The following HK1 variants were observed in gnomAD, a reference collection of about 807,000 sequenced individuals.
The protein encoded by HK1 is hexokinase 1.
A neutral mutation model predicts 91.6 loss-of-function variants in HK1; 28 were observed. The observed-to-expected ratio is 0.31, with a 90% CI of 0.23 to 0.42. The LOEUF is 0.42. Ranked by LOEUF, HK1 falls within the 10% of genes least tolerant of loss-of-function variation. HK1 has a pLI of 1.00. For missense variants in HK1, 770 were observed against 1,219.8 expected (o/e 0.63, Z 5.49); for synonymous variants, 430 against 468.1 (o/e 0.92, Z 1.05).
At chr10:69,379,464 T>G (rs1169456469) in intron 8 of HK1, among the ~76,000 whole-genome samples, 1 of 152,144 alleles carries the variant, frequency 6.6e-6, no homozygotes, top group Non-Finnish European at 1.5e-5. Flanking sequence ...AATTACAATT[T>G]CACTGAGAGA....
chr10:69,283,500 G>C (rs1224122405), intron 2 of HK1, among the ~76,000 whole-genome samples: 2 of 150,178 alleles, frequency 1.3e-5, no homozygotes, highest in African/African-American at 4.9e-5. Flanking sequence ...TAAAGAGCTG[G>C]CTGGGCGTGG....
intron 5 of HK1, 48 bp downstream of exon 5, chr10:69,368,679 G>A (rs2132812534): frequency 6.9e-7 from 1 of 1,443,874 alleles, no homozygotes; most frequent in East Asian, 2.3e-5. Flanking sequence ...GGTGTGGGGA[G>A]CAGGGCTGCA....
At chr10:69,311,374 T>C (rs1846369080), upstream of HK1, among the ~76,000 whole-genome samples, 1 of 152,102 alleles carries the variant, frequency 6.6e-6, no homozygotes, top group Non-Finnish European at 1.5e-5. Flanking sequence ...AGAATTTTAT[T>C]TGTGGTTTAC....
At chr10:69,356,002 T>C (rs1165201418) in intron 2 of HK1, among the ~76,000 whole-genome samples, 2 of 152,190 alleles carry the variant, frequency 1.3e-5, no homozygotes, top group East Asian at 3.8e-4. Context: ...AATACCTAAA[T>C]GTGGGAGCTA....
At chr10:69,316,616 C>T (rs117510753), upstream of HK1, among the ~76,000 whole-genome samples, 2,261 of 152,374 alleles carry the variant, frequency 0.015, 21 homozygotes, top group East Asian at 0.036. Flanking sequence ...TTCCTGCCTG[C>T]AAACAGGACA....
At chr10:69,282,004 C>G (rs12253706) in intron 1 of HK1, among the ~76,000 whole-genome samples, 20,000 of 152,128 alleles carry the variant, frequency 0.13, 2,775 homozygotes, top group African/African-American at 0.35. Context: ...CTTACCCGCT[C>G]TAAGCCTCAG....
chr10:69,318,956 C>A lies in HK1; in HGVS notation c.9C>A (p.Ala3=). Residue 3 remains alanine (A), a synonymous_variant, in exon 1 of 18, where the codon GCC becomes GCA. Coordinates refer to ENST00000359426, the MANE Select transcript of HK1 (RefSeq NM_000188.3). MI[A]AQLLAYYFTE... is the part of the protein sequence containing the mutation. ...CGACCCCGACCGCCAGCATGATCGC[C>A]GCGCAGCTCCTGGCCTATTACTTCA... The A allele has an allele frequency of 9.4e-6, 15 of 1,597,658 alleles. No individual in the cohort carries two copies. The highest frequency in any genetic ancestry group is 1.3e-5 in the Non-Finnish European group (15 of 1,173,244).
intron 1 of HK1, among the ~76,000 whole-genome samples, chr10:69,276,118 A>AAAAAAAAAATATATATATATATATAT: frequency 2.6e-5 from 1 of 38,272 alleles, no homozygotes; most frequent in African/African-American, 7.5e-5. Context: ...AAAAAAAAAA[A>AAAAAAAAAATATATATATATATATAT]ATACATATAT....
intron 1 of HK1, among the ~76,000 whole-genome samples, chr10:69,325,838 G>A (rs148727790): frequency 6.8e-6 from 1 of 147,838 alleles, no homozygotes; most frequent in African/African-American, 2.5e-5. Context: ...CCTCTGGACT[G>A]CATTTTTTTT....
chr10:69,319,680 A>G (rs1846894000), intron 1 of HK1, among the ~76,000 whole-genome samples: 1 of 152,248 alleles, frequency 6.6e-6, no homozygotes, highest in Non-Finnish European at 1.5e-5. Flanking sequence ...CAGGAGCTCA[A>G]ATAAGCGACT....
intron 1 of HK1, among the ~76,000 whole-genome samples, chr10:69,332,734 C>T (rs1847799838): frequency 6.6e-6 from 1 of 152,110 alleles, no homozygotes; most frequent in African/African-American, 2.4e-5. Flanking sequence ...TCTCTGCCCC[C>T]ACTTTTCAAA....
intron 10 of HK1, 130 bp downstream of exon 10, chr10:69,382,921 C>T (rs1453981692): frequency 2.5e-6 from 2 of 798,428 alleles, no homozygotes; most frequent in African/African-American, 3.4e-5. Context: ...GCTAGAAACT[C>T]CCTCACATCT....
In HK1 at chr10:69,325,979, T is replaced by C. The variant is rs543536941; in HGVS notation, c.63+6969T>C. Reference sequence around the variant, plus strand: ...CCTCCCTAGTAGCTGGGATTACAGGTGCCTGCCACTACACCCAGCTAATTT... The same window carrying C: ...CCTCCCTAGTAGCTGGGATTACAGGCGCCTGCCACTACACCCAGCTAATTT... On this transcript the variant is annotated intron_variant, in intron 1 of 17. Transcript: ENST00000359426. Among the ~76,000 whole-genome samples the C allele has an allele frequency of 9.2e-5, 14 of 151,594 alleles. No individual in the cohort carries two copies. The East Asian group carries it at 1.7e-3, about 19-fold the overall frequency.
At chr10:69,337,484 G>A (rs1237455357) in intron 1 of HK1, among the ~76,000 whole-genome samples, 2 of 152,186 alleles carry the variant, frequency 1.3e-5, no homozygotes, top group African/African-American at 2.4e-5. Context: ...AGTTCAAATG[G>A]GATAATGTAT....
intron 1 of HK1, among the ~76,000 whole-genome samples, chr10:69,334,798 A>G (rs1006060552): frequency 6.6e-6 from 1 of 152,152 alleles, no homozygotes; most frequent in Non-Finnish European, 1.5e-5. Flanking sequence ...CAGGAAAGAC[A>G]CACACCACGA....
intron 4 of HK1, among the ~76,000 whole-genome samples, chr10:69,299,332 C>T (rs1388294357): frequency 2.0e-5 from 3 of 149,996 alleles, no homozygotes; most frequent in Non-Finnish European, 4.4e-5. Flanking sequence ...CCAGCCTGCC[C>T]ATTTTTTTGT....
At position 69,288,771 on chromosome 10, in the gene HK1, G is replaced by A; in HGVS notation, c.-115+1G>A. 3 of 1,612,994 alleles carry A rather than the reference G, an allele frequency of 1.9e-6. No individual in the cohort carries two copies. The highest frequency in any genetic ancestry group is 2.5e-6 in the Non-Finnish European group (3 of 1,179,016). On this transcript the variant is annotated splice_donor_variant, in intron 3 of 21. Coordinates refer to the HK1 transcript ENST00000360289. LOFTEE classifies it low-confidence loss of function (5UTR_SPLICE). Reference sequence around the variant, plus strand: ...GGGGCAGATCTGCCAGCGAGAATCGGTAAGCTCTGGTGTTTCTTTCTTTCT... The same window carrying A: ...GGGGCAGATCTGCCAGCGAGAATCGATAAGCTCTGGTGTTTCTTTCTTTCT...
intron 13 of HK1, among the ~76,000 whole-genome samples, chr10:69,388,249 G>A (rs113639424): frequency 0.092 from 13,990 of 152,064 alleles, 2,128 homozygotes; most frequent in African/African-American, 0.32. Flanking sequence ...AGACCAGCCT[G>A]GGTAACGTAG....
At chr10:69,378,582 C>A (rs191838048) in intron 8 of HK1, among the ~76,000 whole-genome samples, 1 of 152,098 alleles carries the variant, frequency 6.6e-6, no homozygotes. Context: ...AATAGAATGA[C>A]GGGAGAGGTT....
Sources: gnomAD v4.1 joint callset for allele counts (sites outside exome capture counted in the v4.1 genomes callset) on GRCh38, gnomAD v4.1.1 for gene constraint, MANE v1.5 for transcripts, NCBI Gene and HGNC (gene_info 2026-07-23, HGNC 2026-07-21) for gene names.